The following CASR variants were observed in gnomAD, a reference collection of about 807,000 sequenced individuals.
CASR encodes the protein calcium sensing receptor, also known as extracellular calcium-sensing receptor.
In CASR, 23 loss-of-function variants were observed where a neutral mutation model predicts 69.1. The observed-to-expected ratio is 0.33, with a 90% CI of 0.24 to 0.47. CASR has a LOEUF of 0.47. Ranked by LOEUF, CASR falls within the 20% of genes least tolerant of loss-of-function variation. The pLI is 1.00. For missense variants in CASR, 924 were observed against 1,356.1 expected, an observed-to-expected ratio of 0.68 and a Z score of 5.00; for synonymous variants, 541 against 544.7, an observed-to-expected ratio of 0.99 and a Z score of 0.10.
Position 122,289,924 on chromosome 3 carries a change from A to T in CASR, c.*4733A>T, listed in dbSNP as rs1320932725. On this transcript the variant is annotated 3_prime_UTR_variant, in exon 7 of 7. Coordinates refer to ENST00000639785, the MANE Select transcript of CASR (RefSeq NM_000388.4). ...AAACCCCATCTCTACAAACAATAAA[A>T]AAAAAAAACAGCTGGACATGGTGGC... 6.6e-6 allele frequency: 1 copy of T among 151,714 alleles called. No homozygotes were observed. Among genetic ancestry groups the T allele is most frequent in the East Asian group, 1.9e-4 (1 of 5,180 alleles). The allele number at this position is 151,714 out of a possible 1,614,324, so 9.4% of individuals were successfully genotyped here.
In CASR at chr3:122,262,241, C is replaced by G. The variant is rs755403770; in HGVS notation, c.1206C>G (p.Ser402Arg). 1 of 1,614,138 alleles carries G rather than the reference C, an allele frequency of 6.2e-7. No individual in the cohort carries two copies. Among genetic ancestry groups the G allele is most frequent in the Non-Finnish European group, 8.5e-7 (1 of 1,179,954 alleles). ...RPLCTGDENI[S>R]SVETPYIDYT... ...TCTGTACAGGGGATGAGAACATCAGCAGTGTCGAGACCCCTTACATAGATT... is the reference window on the plus strand; with the variant it reads ...TCTGTACAGGGGATGAGAACATCAGGAGTGTCGAGACCCCTTACATAGATT... Residue 402 changes from serine to arginine, a missense_variant, in exon 4 of 7, where the codon AGC (serine) becomes AGG (arginine). Physicochemically the swap from Ser to Arg is moderately radical, Grantham distance 110 (BLOSUM62 -1). Transcript: ENST00000639785.
At chr3:122,257,629 T>C (rs575851903) in intron 3 of CASR, 1 of 447,560 alleles carries the variant, frequency 2.2e-6, no homozygotes, top group East Asian at 3.5e-5. Flanking sequence ...TAAAACTGTG[T>C]CTTTTTTTAA....
At chr3:122,207,627 A>C (rs550390745) in intron 1 of CASR, among the ~76,000 whole-genome samples, 2 of 152,278 alleles carry the variant, frequency 1.3e-5, no homozygotes, top group South Asian at 4.1e-4. Context: ...AAATGAATGA[A>C]AATGGAAATG....
At chr3:122,220,918 G>A (rs1017079282) in intron 1 of CASR, among the ~76,000 whole-genome samples, 12 of 152,128 alleles carry the variant, frequency 7.9e-5, no homozygotes, top group Admixed American at 3.9e-4. Flanking sequence ...AGGTTGCAAT[G>A]AGCCGAGATC....
At chr3:122,227,749 A>G (rs1260994264) in intron 1 of CASR, among the ~76,000 whole-genome samples, 7 of 152,104 alleles carry the variant, frequency 4.6e-5, no homozygotes, top group Admixed American at 6.5e-5. Flanking sequence ...CAGTAGGAGC[A>G]CTGGGGTTGA....
chr3:122,213,873 G>C (rs1050733826), intron 1 of CASR, among the ~76,000 whole-genome samples: 2 of 152,182 alleles, frequency 1.3e-5, no homozygotes, highest in Non-Finnish European at 2.9e-5. Flanking sequence ...GTTGCTGAGA[G>C]GGACAGCCCT....
rs534100808 is a variant in CASR at position 122,262,134 on chromosome 3, C to T, written c.1099C>T (p.Pro367Ser). The T allele has an allele frequency of 2.5e-6, 4 of 1,614,184 alleles. No individual in the cohort carries two copies. The East Asian group carries it at 6.7e-5, about 27-fold the overall frequency. ...NCHLQEGAKG[P>S]LPVDTFLRGH... ...CCACCTCCAAGAAGGTGCAAAAGGACCTTTACCTGTGGACACCTTTCTGAG... is the reference window on the plus strand; with the variant it reads ...CCACCTCCAAGAAGGTGCAAAAGGATCTTTACCTGTGGACACCTTTCTGAG... Residue 367 changes from proline to serine, a missense_variant, in exon 4 of 7, where the codon CCT (proline) becomes TCT (serine). Around this residue, in one of 8 missense-constraint regions of CASR, gnomAD observed 310 missense variants for 395.7 expected, o/e 0.78. Transcript: ENST00000639785.
At chr3:122,247,010 G>A (rs1440744765) in intron 1 of CASR, 1 of 152,102 alleles carries the variant, frequency 6.6e-6, no homozygotes, top group Non-Finnish European at 1.5e-5. Flanking sequence ...TCATACCTGG[G>A]ATTACAAAAA....
At position 122,261,987 on chromosome 3, in the gene CASR, A is replaced by G. The variant is rs779711318; in HGVS notation, c.952A>G (p.Ile318Val). 1 of 1,614,160 alleles carries G rather than the reference A, an allele frequency of 6.2e-7. No individual in the cohort carries two copies. Among genetic ancestry groups the G allele is most frequent in the South Asian group, 1.1e-5 (1 of 91,078 alleles). The change falls in exon 4 of 7, where the codon ATT becomes GTT. Residue 318 changes from isoleucine to valine, a missense_variant. Coordinates refer to ENST00000639785, the MANE Select transcript of CASR (RefSeq NM_000388.4). ...PQYFHVVGGT[I>V]GFALKAGQIP... ...GTACTTCCACGTGGTTGGCGGCACCATTGGATTCGCTCTGAAGGCTGGGCA... is the reference window on the plus strand; with the variant it reads ...GTACTTCCACGTGGTTGGCGGCACCGTTGGATTCGCTCTGAAGGCTGGGCA...
intron 1 of CASR, among the ~76,000 whole-genome samples, chr3:122,252,330 GAGAGAGAAAGAAAGAAGA>G (rs2074492084): frequency 1.2e-5 from 1 of 81,542 alleles, no homozygotes; most frequent in Non-Finnish European, 2.6e-5. Flanking sequence ...GAGAAAGAAA[GAGAGAGAAAGAAAGAAGA>G]AAGAAAGAAA....
chr3:122,277,671 G>A (rs1263836334), intron 5 of CASR, among the ~76,000 whole-genome samples: 3 of 152,196 alleles, frequency 2.0e-5, no homozygotes, highest in Non-Finnish European at 2.9e-5. Flanking sequence ...ACTGACTGGA[G>A]TCTAAATTGA....
At chr3:122,209,988 A>G (rs961212011) in intron 1 of CASR, among the ~76,000 whole-genome samples, 5 of 152,214 alleles carry the variant, frequency 3.3e-5, no homozygotes, top group African/African-American at 9.6e-5. Flanking sequence ...GACAAAAACC[A>G]CATGATTATC....
chr3:122,246,381 G>C (rs552967194), intron 1 of CASR: 27 of 152,270 alleles, frequency 1.8e-4, no homozygotes, highest in Admixed American at 1.7e-3. Flanking sequence ...ATATGTGCAA[G>C]AATTTAAAAT....
chr3:122,220,151 A>G (rs1007421519), intron 1 of CASR, among the ~76,000 whole-genome samples: 1 of 152,256 alleles, frequency 6.6e-6, no homozygotes, highest in Non-Finnish European at 1.5e-5. Flanking sequence ...AAAAGAGAGA[A>G]GAGAAGAGAC....
intron 4 of CASR, among the ~76,000 whole-genome samples, chr3:122,271,932 T>C (rs183163661): frequency 1.3e-5 from 2 of 152,224 alleles, no homozygotes; most frequent in Non-Finnish European, 2.9e-5. Flanking sequence ...TACAGCCAAA[T>C]AGTATCCCAT....
At chr3:122,207,731 T>C (rs2074021378) in intron 1 of CASR, among the ~76,000 whole-genome samples, 1 of 152,174 alleles carries the variant, frequency 6.6e-6, no homozygotes, top group South Asian at 2.1e-4. Flanking sequence ...TAGAAAGACT[T>C]CAATGGTTCA....
At chr3:122,230,586 G>A (rs1291948670) in intron 1 of CASR, among the ~76,000 whole-genome samples, 1 of 152,240 alleles carries the variant, frequency 6.6e-6, no homozygotes, top group Non-Finnish European at 1.5e-5. Flanking sequence ...TGGGAGGTGG[G>A]ATGGGAGGGA....
At chr3:122,261,432 A>G in intron 3 of CASR, 96 bp from the exon 4 acceptor site, 2 of 1,031,248 alleles carry the variant, frequency 1.9e-6, no homozygotes, top group Non-Finnish European at 3.0e-6. Context: ...AGACCAAGGC[A>G]TGCTCAGAAA....
At chr3:122,199,889 T>C (rs897712928) in intron 1 of CASR, among the ~76,000 whole-genome samples, 1 of 152,114 alleles carries the variant, frequency 6.6e-6, no homozygotes, top group African/African-American at 2.4e-5. Context: ...CAGTTGTTTT[T>C]TGTTTTTTTG....
Sources: gnomAD v4.1 joint callset for allele counts (sites outside exome capture counted in the v4.1 genomes callset) on GRCh38, gnomAD v4.1.1 for gene constraint, gnomAD v4.1.1 regional missense constraint, MANE v1.5 for transcripts, NCBI Gene and HGNC (gene_info 2026-07-23, HGNC 2026-07-21) for gene names.